Variants in NKAIN3 observed in about 807,000 individuals in gnomAD.
NKAIN3 encodes sodium/potassium-transporting ATPase subunit beta-1-interacting protein 3.
In NKAIN3, 25 loss-of-function variants were observed where a neutral mutation model predicts 30.2. The observed-to-expected ratio is 0.83, with a 90% CI of 0.60 to 1.16. The LOEUF is 1.16. NKAIN3 is among the 50% of genes most tolerant of loss of function. NKAIN3 has a pLI of 0.00. For missense variants in NKAIN3, 225 were observed against 254.1 expected (o/e 0.89, Z 0.78); for synonymous variants, 91 against 89.6 (o/e 1.02, Z -0.09).
intron 4 of NKAIN3, among the ~76,000 whole-genome samples, chr8:62,794,487 AC>A (rs1817798107): frequency 6.6e-6 from 1 of 152,022 alleles, no homozygotes; most frequent in South Asian, 2.1e-4. Context: ...GAAAATCTAT[AC>A]CCACCCCCCC....
intron 4 of NKAIN3, among the ~76,000 whole-genome samples, chr8:62,852,320 T>C (rs1313080357): frequency 1.3e-5 from 2 of 152,306 alleles, no homozygotes; most frequent in African/African-American, 4.8e-5. Context: ...TCGTTTTTTA[T>C]TGCATCTATT....
chr8:62,951,088 A>G lies in NKAIN3; in HGVS notation c.533-2814A>G, dbSNP rs542951165. Among the ~76,000 whole-genome samples, 67 of 152,072 alleles carry G rather than the reference A, an allele frequency of 4.4e-4. 1 individual carries two copies. In the South Asian group the frequency reaches 0.013, roughly 30 times the overall value. Reference sequence around the variant, plus strand: ...ACCTTCCTTTCAAGGGCAGTATGCAACCTGGTCACTGATAAAGATATGTAC... The same window carrying G: ...ACCTTCCTTTCAAGGGCAGTATGCAGCCTGGTCACTGATAAAGATATGTAC... On this transcript the variant is annotated intron_variant, in intron 5 of 6. Coordinates refer to ENST00000623646, the MANE Select transcript of NKAIN3 (RefSeq NM_001304533.3).
chr8:62,868,594 C>T (rs1053268178), intron 4 of NKAIN3, among the ~76,000 whole-genome samples: 2 of 152,158 alleles, frequency 1.3e-5, no homozygotes, highest in East Asian at 3.8e-4. Context: ...ACTGAATAGT[C>T]GGCCCTGTGC....
At chr8:62,834,150 G>C (rs1041118542) in intron 4 of NKAIN3, among the ~76,000 whole-genome samples, 1 of 151,896 alleles carries the variant, frequency 6.6e-6, no homozygotes, top group African/African-American at 2.4e-5. Context: ...AACACTCAAC[G>C]AATTAGGCTT....
At position 62,275,119 on chromosome 8, in the gene NKAIN3, A is replaced by C. The variant is rs373552267; in HGVS notation, c.54+25992A>C. On this transcript the variant is annotated intron_variant, in intron 1 of 6. Transcript: ENST00000623646. ...CCTTTGGGTATATACCCAGTAATGGAATGGCTGGGTCAAATGGTATTTCTA... is the reference window on the plus strand; with the variant it reads ...CCTTTGGGTATATACCCAGTAATGGCATGGCTGGGTCAAATGGTATTTCTA... 2.0e-5 allele frequency among the ~76,000 whole-genome samples: 3 copies of C among 151,706 alleles called. No individual in the cohort carries two copies. The South Asian group carries it at 6.3e-4, about 32-fold the overall frequency.
At chr8:62,414,407 T>C (rs1804364338) in intron 1 of NKAIN3, among the ~76,000 whole-genome samples, 1 of 152,022 alleles carries the variant, frequency 6.6e-6, no homozygotes, top group African/African-American at 2.4e-5. Flanking sequence ...ATGGGAAGTG[T>C]GGAAAAAAAT....
chr8:62,627,994 A>G (rs1215664549), intron 3 of NKAIN3, among the ~76,000 whole-genome samples: 1 of 152,116 alleles, frequency 6.6e-6, no homozygotes, highest in African/African-American at 2.4e-5. Context: ...CACTCAGTAA[A>G]TGGAGTCCAT....
intron 1 of NKAIN3, among the ~76,000 whole-genome samples, chr8:62,509,436 G>C (rs927548142): frequency 6.6e-6 from 1 of 151,962 alleles, no homozygotes; most frequent in African/African-American, 2.4e-5. Flanking sequence ...AGCTTCCCCT[G>C]TCTGCTCCTT....
chr8:62,810,445 C>T (rs150213870), intron 4 of NKAIN3, among the ~76,000 whole-genome samples: 5 of 152,158 alleles, frequency 3.3e-5, no homozygotes, highest in East Asian at 3.9e-4. Flanking sequence ...TGATCTGATT[C>T]GCTTTAAGGA....
At chr8:62,404,050 A>C (rs1803976655) in intron 1 of NKAIN3, among the ~76,000 whole-genome samples, 1 of 152,240 alleles carries the variant, frequency 6.6e-6, no homozygotes, top group Non-Finnish European at 1.5e-5. Flanking sequence ...TTGTAACTTT[A>C]AGGTTTAATG....
chr8:62,316,503 C>T (rs530794573), intron 1 of NKAIN3, among the ~76,000 whole-genome samples: 77 of 151,970 alleles, frequency 5.1e-4, no homozygotes, highest in Non-Finnish European at 9.6e-4. Context: ...TGTTCAATTC[C>T]CACCTATAAG....
At chr8:62,901,214 G>A (rs1449600617) in intron 4 of NKAIN3, among the ~76,000 whole-genome samples, 1 of 152,150 alleles carries the variant, frequency 6.6e-6, no homozygotes, top group African/African-American at 2.4e-5. Context: ...ATCATGGAGT[G>A]GATGGTCTGT....
intron 1 of NKAIN3, among the ~76,000 whole-genome samples, chr8:62,453,568 C>T (rs1028485431): frequency 1.1e-4 from 16 of 151,938 alleles, no homozygotes; most frequent in African/African-American, 3.9e-4. Flanking sequence ...GAAAACCATA[C>T]AAAAGATCAG....
At chr8:62,569,754 C>G (rs1809872512) in intron 1 of NKAIN3, among the ~76,000 whole-genome samples, 1 of 149,032 alleles carries the variant, frequency 6.7e-6, no homozygotes, top group Admixed American at 6.7e-5. Context: ...CCAGTCTGGG[C>G]AGTAGAGTGA....
intron 4 of NKAIN3, among the ~76,000 whole-genome samples, chr8:62,782,364 T>A (rs1817377701): frequency 6.6e-6 from 1 of 151,926 alleles, no homozygotes; most frequent in South Asian, 2.1e-4. Flanking sequence ...AGTATGTAGA[T>A]TTCTTAAAAA....
intron 1 of NKAIN3, among the ~76,000 whole-genome samples, chr8:62,378,921 A>C (rs1011778597): frequency 2.0e-5 from 3 of 152,140 alleles, no homozygotes; most frequent in African/African-American, 7.2e-5. Flanking sequence ...AGAATGGTAG[A>C]TCTACCAACA....
In NKAIN3 at chr8:62,870,848, G is replaced by T. The variant is rs187227796; in HGVS notation, c.472-47605G>T. ...TAAGGACTTTTAAAGAAATAGATGTGCATTAGAGATGAGAAAGAATGGAAA... is the reference window on the plus strand; with the variant it reads ...TAAGGACTTTTAAAGAAATAGATGTTCATTAGAGATGAGAAAGAATGGAAA... On this transcript the variant is annotated intron_variant, in intron 4 of 6. Coordinates refer to ENST00000623646, the MANE Select transcript of NKAIN3 (RefSeq NM_001304533.3). Among the ~76,000 whole-genome samples, 5 of 144,992 alleles carry T rather than the reference G, an allele frequency of 3.4e-5. No homozygotes were observed. In the East Asian group the frequency reaches 5.9e-4, roughly 17 times the overall value.
At chr8:62,901,647 G>A (rs996379067) in intron 4 of NKAIN3, among the ~76,000 whole-genome samples, 5 of 152,086 alleles carry the variant, frequency 3.3e-5, no homozygotes, top group African/African-American at 1.2e-4. Flanking sequence ...CACTAGGTAG[G>A]ACTTTTACGT....
intron 3 of NKAIN3, among the ~76,000 whole-genome samples, chr8:62,643,005 TG>T (rs1316846790): frequency 6.6e-6 from 1 of 152,170 alleles, no homozygotes; most frequent in Non-Finnish European, 1.5e-5. Flanking sequence ...ATCATAATTT[TG>T]GAGCATTTTT....
Sources: allele counts gnomAD v4.1 joint callset (sites outside exome capture counted in the v4.1 genomes callset), GRCh38; gene constraint gnomAD v4.1.1; transcripts MANE v1.5; gene names NCBI Gene and HGNC (gene_info 2026-07-23, HGNC 2026-07-21).